KIRREL3: variants seen among roughly 807,000 people sequenced by gnomAD.
The protein encoded by KIRREL3 is kin of IRRE-like protein 3.
A neutral mutation model predicts 89.7 loss-of-function variants in KIRREL3; 36 were observed. The observed-to-expected ratio is 0.40, with a 90% CI of 0.31 to 0.53. KIRREL3 has a LOEUF of 0.53. KIRREL3 is among the 20% of genes least tolerant of loss of function. The pLI is 0.49. For synonymous variants in KIRREL3, 445 were observed against 441.4 expected, an observed-to-expected ratio of 1.01 and a Z score of -0.10; for missense variants, 864 against 1,056.6, an observed-to-expected ratio of 0.82 and a Z score of 2.53.
intron 11 of KIRREL3, among the ~76,000 whole-genome samples, chr11:126,439,493 T>TC (rs79105200): frequency 1 from 151,113 of 151,116 alleles, 75,555 homozygotes; most frequent in Middle Eastern, 1. Flanking sequence ...GACATGAGGC[T>TC]CCTGCTCAGT....
At chr11:126,801,126 G>A (rs1319923288) in intron 1 of KIRREL3, among the ~76,000 whole-genome samples, 1 of 152,044 alleles carries the variant, frequency 6.6e-6, no homozygotes, top group East Asian at 1.9e-4. Context: ...TAGATTTATG[G>A]TTACCTAAAT....
Position 126,691,797 on chromosome 11 carries a change from G to C in KIRREL3, c.56-128885C>G, listed in dbSNP as rs538438270. ...AGAATGTTTATTATAGTACTGAAGA[G>C]AAATACATAAATACAGCAATAAAAA... On this transcript the variant is annotated intron_variant, in intron 1 of 16. Coordinates refer to ENST00000525144, the MANE Select transcript of KIRREL3 (RefSeq NM_032531.4). 1.9e-3 allele frequency among the ~76,000 whole-genome samples: 283 copies of C among 152,034 alleles called. 9 individuals are homozygous for C. The highest frequency in any genetic ancestry group is 0.018 in the Admixed American group (281 of 15,270).
At chr11:126,649,376 A>G (rs1944821135) in intron 1 of KIRREL3, among the ~76,000 whole-genome samples, 1 of 152,138 alleles carries the variant, frequency 6.6e-6, no homozygotes, top group Non-Finnish European at 1.5e-5. Context: ...CCACAGTCCA[A>G]ACTCTCATCT....
Position 126,561,322 on chromosome 11 carries a change from C to T in KIRREL3, c.133+1513G>A, listed in dbSNP as rs537661993. Among the ~76,000 whole-genome samples the T allele has an allele frequency of 2.0e-4, 30 of 152,208 alleles. No individual in the cohort carries two copies. Among genetic ancestry groups the T allele is most frequent in the Non-Finnish European group, 3.5e-4 (24 of 68,038 alleles). On this transcript the variant is annotated intron_variant, in intron 2 of 16. Transcript: ENST00000525144. This position sits in a 1 kb window ranked among gnomAD's most constrained non-coding sequence, Gnocchi z 4.5. ...TGTTGGCTCAGCTTGCATCCCATCC[C>T]CTCATCTCCTCAGCCACCCAGAAGC...
chr11:126,862,902 A>G (rs1944749560), intron 1 of KIRREL3, among the ~76,000 whole-genome samples: 1 of 152,254 alleles, frequency 6.6e-6, no homozygotes, highest in Non-Finnish European at 1.5e-5. Flanking sequence ...CTTTGCTGGC[A>G]GTTTCTCACC....
chr11:126,975,475 C>T (rs1949539630), intron 1 of KIRREL3, among the ~76,000 whole-genome samples: 1 of 152,296 alleles, frequency 6.6e-6, no homozygotes, highest in South Asian at 2.1e-4. Context: ...ATATTCACAA[C>T]CAGGGGTACA....
rs1755077218 is a variant in KIRREL3 at position 126,463,364 on chromosome 11, G to T, written c.592-57C>A. On this transcript the variant is annotated intron_variant, in intron 5 of 16. Transcript: ENST00000525144. This position sits in a 1 kb window ranked among gnomAD's most constrained non-coding sequence, Gnocchi z 5.9. Reference sequence around the variant, plus strand: ...CCATGTCGCTTGGCTGGGGTGGCCAGCCTGGGTTGGGGGTAAACGAGCACC... The same window carrying T: ...CCATGTCGCTTGGCTGGGGTGGCCATCCTGGGTTGGGGGTAAACGAGCACC... 1.3e-6 allele frequency: 2 copies of T among 1,562,372 alleles called. No homozygotes were observed. The highest frequency in any genetic ancestry group is 1.7e-6 in the Non-Finnish European group (2 of 1,146,702).
chr11:126,786,695 G>T (rs1950497658), intron 1 of KIRREL3, among the ~76,000 whole-genome samples: 1 of 152,228 alleles, frequency 6.6e-6, no homozygotes, highest in Non-Finnish European at 1.5e-5. Context: ...CTCTAGGCCT[G>T]CATGCTGCTC....
chr11:126,700,226 G>T (rs539154505), intron 1 of KIRREL3, among the ~76,000 whole-genome samples: 1 of 151,654 alleles, frequency 6.6e-6, no homozygotes, highest in Non-Finnish European at 1.5e-5. Context: ...GAGATATTCA[G>T]AGAACCGAAG....
rs1592022472 is a variant in KIRREL3 at position 126,723,266 on chromosome 11, T to C, written c.56-160354A>G. ...GCCCTCCTAGCAGAGACAGACACAC[T>C]TTTAGTAGGGGCTAAGCTATGTTTG... On this transcript the variant is annotated intron_variant, in intron 1 of 16. Transcript: ENST00000525144. This position sits in a 1 kb window ranked among gnomAD's most constrained non-coding sequence, Gnocchi z 4.0. Among the ~76,000 whole-genome samples the C allele has an allele frequency of 6.6e-6, 1 of 152,092 alleles. No homozygotes were observed. Among genetic ancestry groups the C allele is most frequent in the East Asian group, 1.9e-4 (1 of 5,186 alleles).
At chr11:126,488,255 G>A (rs1331121160) in intron 4 of KIRREL3, among the ~76,000 whole-genome samples, 1 of 152,202 alleles carries the variant, frequency 6.6e-6, no homozygotes, top group Admixed American at 6.5e-5. Context: ...CCAGGCCCCT[G>A]CATCTCCAGC....
At chr11:126,911,212 G>T (rs544986417) in intron 1 of KIRREL3, among the ~76,000 whole-genome samples, 2 of 152,104 alleles carry the variant, frequency 1.3e-5, no homozygotes, top group Non-Finnish European at 2.9e-5. Flanking sequence ...TAGGAGACAT[G>T]GGCAGAAAGG....
chr11:126,911,984 A>AAG (rs1946840092), intron 1 of KIRREL3, among the ~76,000 whole-genome samples: 1 of 66,364 alleles, frequency 1.5e-5, no homozygotes, highest in African/African-American at 4.6e-5. Flanking sequence ...CTCTGTCTCA[A>AAG]AAAAAAAAAA....
At chr11:126,737,979 G>A (rs187647227) in intron 1 of KIRREL3, among the ~76,000 whole-genome samples, 14 of 152,232 alleles carry the variant, frequency 9.2e-5, no homozygotes, top group Non-Finnish European at 1.5e-4. Context: ...CTATTTAACT[G>A]TATTTTTGTC....
chr11:126,549,836 C>T (rs1045728321), intron 2 of KIRREL3: 4 of 152,138 alleles, frequency 2.6e-5, no homozygotes, highest in African/African-American at 9.7e-5. Context: ...GTTTGGAGAG[C>T]CTGGCTGAGG....
At chr11:126,873,315 C>G (rs181326486) in intron 1 of KIRREL3, among the ~76,000 whole-genome samples, 1,842 of 152,236 alleles carry the variant, frequency 0.012, 17 homozygotes, top group Middle Eastern at 0.027. Context: ...GCATATAACA[C>G]AGTCCTTAAA....
Position 126,715,731 on chromosome 11 carries a change from A to G in KIRREL3, c.56-152819T>C, listed in dbSNP as rs1947930269. 6.6e-6 allele frequency among the ~76,000 whole-genome samples: 1 copy of G among 152,192 alleles called. No homozygotes were observed. The highest frequency in any genetic ancestry group is 6.5e-5 in the Admixed American group (1 of 15,280). On this transcript the variant is annotated intron_variant, in intron 1 of 16. Transcript: ENST00000525144. This position sits in a 1 kb window ranked among gnomAD's most constrained non-coding sequence, Gnocchi z 4.4. The stretch of plus-strand genomic sequence containing the variant: ...AAAAGGAGGAAAGAGAATGCGGGGG[A>G]GGCAAACATCAGAGAGACTGCACAA...
At position 126,766,212 on chromosome 11, in the gene KIRREL3, T is replaced by A. The variant is rs1024083105; in HGVS notation, c.56-203300A>T. Among the ~76,000 whole-genome samples the A allele has an allele frequency of 3.3e-5, 5 of 151,996 alleles. No homozygotes were observed. Among genetic ancestry groups the A allele is most frequent in the African/African-American group, 1.2e-4 (5 of 41,390 alleles). On this transcript the variant is annotated intron_variant, in intron 1 of 16. Transcript: ENST00000525144. The surrounding 1 kb of genome is among the most constrained non-coding windows in gnomAD (Gnocchi z 4.2). ...CTCTCCTCCTCCCCTCTCTTCTCCT[T>A]GTCTTCCTGGCCCTCAGTTGGCTGA...
At position 126,755,192 on chromosome 11, in the gene KIRREL3, G is replaced by C. The variant is rs1472009950; in HGVS notation, c.56-192280C>G. 1.3e-5 allele frequency among the ~76,000 whole-genome samples: 2 copies of C among 152,164 alleles called. No homozygotes were observed. The highest frequency in any genetic ancestry group is 2.9e-5 in the Non-Finnish European group (2 of 68,032). ...TCAATAAGTCTGTGGCCCAAAGGTA[G>C]GGCATTAAGTAACCAGAGGGAAAAA... On this transcript the variant is annotated intron_variant, in intron 1 of 16. Coordinates refer to ENST00000525144, the MANE Select transcript of KIRREL3 (RefSeq NM_032531.4). This position sits in a 1 kb window ranked among gnomAD's most constrained non-coding sequence, Gnocchi z 4.3.
Sources: gnomAD v4.1 joint callset for allele counts (sites outside exome capture counted in the v4.1 genomes callset) on GRCh38, gnomAD v4.1.1 for gene constraint, Gnocchi (gnomAD v3.1) non-coding constraint, MANE v1.5 for transcripts, NCBI Gene and HGNC (gene_info 2026-07-23, HGNC 2026-07-21) for gene names.